The following KANSL1 variants were observed in gnomAD, a reference collection of about 807,000 sequenced individuals.
The protein encoded by KANSL1 is KAT8 regulatory NSL complex subunit 1.
Under a neutral mutation model 103.6 loss-of-function variants are expected in KANSL1, and 22 were observed. That is an observed-to-expected ratio of 0.21 (90% CI 0.15 to 0.30). The LOEUF is 0.30. KANSL1 is among the 10% of genes least tolerant of loss of function. KANSL1 has a pLI of 1.00. For missense variants in KANSL1, 1,337 were observed against 1,399.8 expected (o/e 0.96, Z 0.72); for synonymous variants, 600 against 527.6 (o/e 1.14, Z -1.88).
chr17:46,057,819 A>C (rs999322081), intron 6 of KANSL1, among the ~76,000 whole-genome samples: 8 of 152,226 alleles, frequency 5.3e-5, no homozygotes, highest in Admixed American at 2.0e-4. Context: ...TTCGTATCTG[A>C]ATAATTTCAT....
intron 2 of KANSL1, among the ~76,000 whole-genome samples, chr17:46,152,218 C>G (rs1386296149): frequency 6.6e-6 from 1 of 152,206 alleles, no homozygotes; most frequent in Non-Finnish European, 1.5e-5. Flanking sequence ...AATTCTGTAT[C>G]ATAAAAACAT....
Position 46,031,643 on chromosome 17 carries a change from C to G in KANSL1, c.3151G>C (p.Glu1051Gln). 1 of 1,613,886 alleles carries G rather than the reference C, an allele frequency of 6.2e-7. No homozygotes were observed. The highest frequency in any genetic ancestry group is 1.3e-5 in the African/African-American group (1 of 75,030). ...PLAHSPQAEC[E>Q]DQLDAQERAA... ...CGCTCCTGTGCATCCAGCTGGTCCT[C>G]ACACTCCGCCTGGGGACTGTGCGCC... The change falls in exon 15 of 15, where the codon GAG becomes CAG. Residue 1051 changes from glutamate to glutamine, a missense_variant. By Grantham distance (29) the Glu-to-Gln change is conservative. Coordinates refer to ENST00000432791, the MANE Select transcript of KANSL1 (RefSeq NM_015443.4).
intron 2 of KANSL1, among the ~76,000 whole-genome samples, chr17:46,108,061 A>AT (rs111548998): frequency 0.14 from 21,589 of 151,936 alleles, 2,084 homozygotes; most frequent in Non-Finnish European, 0.22. Flanking sequence ...CACTTTCAGG[A>AT]TATTATCATG....
At chr17:46,162,601 C>CTCA (rs1434873481) in intron 2 of KANSL1, among the ~76,000 whole-genome samples, 1 of 152,210 alleles carries the variant, frequency 6.6e-6, no homozygotes, top group East Asian at 1.9e-4. Flanking sequence ...GCCACAAGCC[C>CTCA]TCATCACCCC....
intron 4 of KANSL1, among the ~76,000 whole-genome samples, chr17:46,077,439 G>T (rs1394506510): frequency 2.0e-5 from 3 of 152,128 alleles, no homozygotes; most frequent in African/African-American, 4.8e-5. Context: ...TAGGCGTTAG[G>T]TTTTTTTCCT....
chr17:46,182,703 TGTAAG>T (rs1448867953), intron 1 of KANSL1, among the ~76,000 whole-genome samples: 2 of 152,232 alleles, frequency 1.3e-5, no homozygotes, highest in Non-Finnish European at 2.9e-5. Flanking sequence ...ACAATAACAA[TGTAAG>T]GTAAGTACTA....
intron 1 of KANSL1, among the ~76,000 whole-genome samples, chr17:46,177,047 A>G (rs2732647): frequency 0.14 from 21,953 of 152,156 alleles, 2,136 homozygotes; most frequent in Middle Eastern, 0.22. Context: ...ATTACTCCCA[A>G]AGATATTCAT....
chr17:46,035,328 T>G (rs888822609), intron 10 of KANSL1: 1 of 152,142 alleles, frequency 6.6e-6, no homozygotes. Flanking sequence ...GAGTAAGAAG[T>G]CCCCTATAAC....
upstream of KANSL1, among the ~76,000 whole-genome samples, chr17:46,194,816 A>G (rs1192681962): frequency 1.3e-5 from 2 of 152,244 alleles, no homozygotes; most frequent in Non-Finnish European, 2.9e-5. Context: ...ACACCCTCAC[A>G]GTCGTTACAG....
chr17:46,147,397 G>C (rs1003049748), intron 2 of KANSL1, among the ~76,000 whole-genome samples: 1 of 152,008 alleles, frequency 6.6e-6, no homozygotes, highest in African/African-American at 2.4e-5. Context: ...AAGGTGGCAA[G>C]ATCCTGTCTC....
intron 3 of KANSL1, chr17:46,092,727 G>GT (rs2079453084): frequency 9.5e-6 from 1 of 105,356 alleles, no homozygotes; most frequent in Non-Finnish European, 1.9e-5. Context: ...GGGGGGGGGG[G>GT]GGAGGGTGGG....
rs142390081 is a variant in KANSL1, at chr17:46,181,679, G to A, written c.-89-9447C>T. Among the ~76,000 whole-genome samples the A allele has an allele frequency of 6.1e-3, 930 of 152,240 alleles. 9 individuals are homozygous for A. Among genetic ancestry groups the A allele is most frequent in the African/African-American group, 0.021 (874 of 41,500 alleles). ...ACTCCTGACCTCAGGTGATCGACCC[G>A]CCTCGGCCTCCCAAAGTGCTGGAAT... On this transcript the variant is annotated intron_variant, in intron 1 of 14. Coordinates refer to ENST00000432791, the MANE Select transcript of KANSL1 (RefSeq NM_015443.4).
intron 1 of KANSL1, among the ~76,000 whole-genome samples, chr17:46,185,269 T>C (rs997321659): frequency 5.3e-5 from 8 of 152,174 alleles, no homozygotes; most frequent in African/African-American, 1.9e-4. Flanking sequence ...TGAAGATCCA[T>C]TAGGACGTTA....
rs770594188 is a variant in KANSL1, at chr17:46,066,586, T to C, written c.1799A>G (p.Lys600Arg). The change falls in exon 6 of 15, where the codon AAG (lysine) becomes AGG (arginine). Residue 600 changes from lysine (K) to arginine (R), a missense_variant. This residue lies in a region of KANSL1 where 780 missense variants were observed against 923.4 expected (regional missense o/e 0.84). Transcript: ENST00000432791. Reference sequence around the variant, plus strand: ...GTTGGGTCGAACAAGCCTCCGCTTCTTACAGCTCAGTACAGGACGTGTCCG... The same window carrying C: ...GTTGGGTCGAACAAGCCTCCGCTTCCTACAGCTCAGTACAGGACGTGTCCG... ...AARTRPVLSC[K>R]KRRLVRPNSI... is the part of the protein sequence containing the mutation. 7 of 1,614,008 alleles carry C rather than the reference T, an allele frequency of 4.3e-6. No homozygotes were observed. In the South Asian group the frequency reaches 5.5e-5, roughly 13 times the overall value.
rs2047459898 is a variant in KANSL1 at position 46,193,385 on chromosome 17, AG to A, written c.-653del. 6.4e-6 allele frequency: 1 copy of A among 157,468 alleles called. No individual in the cohort carries two copies. The highest frequency in any genetic ancestry group is 1.4e-5 in the Non-Finnish European group (1 of 73,132). The allele number at this position is 157,468 out of a possible 1,614,324, so 9.8% of individuals were successfully genotyped here. A position where few individuals can be genotyped will look rare whatever the true frequency, so the allele number is the denominator to read the frequency against. Reference sequence around the variant, plus strand: ...GGCGGCACTGGGAAAATGGCGGCCGAGCTCCTTTTCCCTCCCCCCCTTTAAT... The same window carrying A: ...GGCGGCACTGGGAAAATGGCGGCCGACTCCTTTTCCCTCCCCCCCTTTAAT... On this transcript the variant is annotated 5_prime_UTR_variant, in exon 1 of 15. Transcript: ENST00000432791.
intron 1 of KANSL1, among the ~76,000 whole-genome samples, chr17:46,213,150 T>C (rs925219893): frequency 2.0e-5 from 3 of 152,258 alleles, no homozygotes; most frequent in Admixed American, 1.3e-4. Flanking sequence ...GCTAGAACCA[T>C]ACGCTTGCCT....
intron 3 of KANSL1, among the ~76,000 whole-genome samples, chr17:46,086,149 A>T (rs2079154277): frequency 2.0e-5 from 3 of 151,990 alleles, no homozygotes; most frequent in South Asian, 4.2e-4. Flanking sequence ...TTACTCCTTC[A>T]ATTTTTCTTT....
chr17:46,104,934 G>A (rs1250301270), intron 2 of KANSL1, among the ~76,000 whole-genome samples: 1 of 152,072 alleles, frequency 6.6e-6, no homozygotes, highest in Non-Finnish European at 1.5e-5. Flanking sequence ...TCCTGCCTCA[G>A]CCTCCCAAGT....
At chr17:46,058,331 C>A (rs964176092) in intron 6 of KANSL1, among the ~76,000 whole-genome samples, 7 of 152,166 alleles carry the variant, frequency 4.6e-5, no homozygotes, top group African/African-American at 1.4e-4. Flanking sequence ...GCCAAAGTTG[C>A]ATAGAGAATT....
Sources: allele counts gnomAD v4.1 joint callset (sites outside exome capture counted in the v4.1 genomes callset), GRCh38; gene constraint gnomAD v4.1.1; regional missense constraint gnomAD v4.1.1; transcripts MANE v1.5; gene names NCBI Gene and HGNC (gene_info 2026-07-23, HGNC 2026-07-21).